The following WDR7 variants were observed in gnomAD, a reference collection of about 807,000 sequenced individuals.
The protein encoded by WDR7 is WD repeat domain 7, also known as WD repeat-containing protein 7.
In WDR7, 46 loss-of-function variants were observed where a neutral mutation model predicts 169.4. The observed-to-expected ratio is 0.27, with a 90% CI of 0.21 to 0.35. WDR7 has a LOEUF of 0.35. Ranked by LOEUF, WDR7 falls within the 10% of genes least tolerant of loss-of-function variation. The pLI is 1.00. For missense variants in WDR7, 1,534 were observed against 1,859.3 expected (o/e 0.83, Z 3.22); for synonymous variants, 612 against 666.8 (o/e 0.92, Z 1.27).
At position 56,935,871 on chromosome 18, in the gene WDR7, G is replaced by A. The variant is rs1167729512; in HGVS notation, c.3797G>A (p.Arg1266Lys). ...RHALSLIATARPPAFITTIAK... is the reference protein window; with the variant it reads ...RHALSLIATAKPPAFITTIAK... ...GCCCTCTCGCTCATTGCCACCGCCAGACCACCCGCCTTCATCACCACCATA... is the reference window on the plus strand; with the variant it reads ...GCCCTCTCGCTCATTGCCACCGCCAAACCACCCGCCTTCATCACCACCATA... Residue 1266 changes from arginine to lysine, a missense_variant, in exon 23 of 28, where the codon AGA becomes AAA. Coordinates refer to ENST00000254442, the MANE Select transcript of WDR7 (RefSeq NM_015285.3). 1.2e-6 allele frequency: 2 copies of A among 1,614,108 alleles called. No individual in the cohort carries two copies.
intron 14 of WDR7, among the ~76,000 whole-genome samples, chr18:56,734,272 T>C (rs936620700): frequency 1.3e-5 from 2 of 152,138 alleles, no homozygotes; most frequent in Admixed American, 6.5e-5. Flanking sequence ...TTTCCTTTAT[T>C]CCCGTTCCTT....
At chr18:57,015,407 A>G (rs953007337) in intron 26 of WDR7, among the ~76,000 whole-genome samples, 5 of 152,190 alleles carry the variant, frequency 3.3e-5, no homozygotes, top group Admixed American at 3.3e-4. Flanking sequence ...ATCTAATAAA[A>G]TTTTCACAAA....
intron 20 of WDR7, among the ~76,000 whole-genome samples, chr18:56,854,169 C>G (rs2045682599): frequency 1.3e-5 from 2 of 152,304 alleles, no homozygotes; most frequent in South Asian, 4.1e-4. Flanking sequence ...TCCGCAGTGG[C>G]CAGCAGCTGG....
At chr18:56,741,984 T>G (rs1050703512) in intron 14 of WDR7, among the ~76,000 whole-genome samples, 8 of 152,188 alleles carry the variant, frequency 5.3e-5, no homozygotes, top group Admixed American at 5.2e-4. Flanking sequence ...CCCTGTGTGT[T>G]ACATATAATA....
chr18:56,653,628 G>A (rs2024703920), intron 1 of WDR7, among the ~76,000 whole-genome samples: 1 of 151,930 alleles, frequency 6.6e-6, no homozygotes, highest in Non-Finnish European at 1.5e-5. Flanking sequence ...TATTGTTCTG[G>A]GTGCCCACAT....
At chr18:56,954,195 A>C (rs1273088250) in intron 25 of WDR7, among the ~76,000 whole-genome samples, 4 of 152,218 alleles carry the variant, frequency 2.6e-5, no homozygotes, top group African/African-American at 9.6e-5. Flanking sequence ...AAAGTGTTTA[A>C]TACTGTTTTT....
intron 25 of WDR7, among the ~76,000 whole-genome samples, chr18:56,958,374 G>T (rs1158107830): frequency 6.6e-6 from 1 of 152,018 alleles, no homozygotes; most frequent in Non-Finnish European, 1.5e-5. Flanking sequence ...ATTATGTTTT[G>T]CCCTATTTCA....
rs757482756 is a variant in WDR7 at position 56,672,530 on chromosome 18, C to A, written c.15C>A (p.Ser5Arg). The change falls in exon 2 of 28, where the codon AGC (serine) becomes AGA (arginine). Residue 5 changes from serine (S) to arginine (R), a missense_variant. Coordinates refer to ENST00000254442, the MANE Select transcript of WDR7 (RefSeq NM_015285.3). ...ACACAAACACAATGGCAGGAAACAG[C>A]CTTGTTCTACCCATTGTTCTTTGGG... MAGNSLVLPIVLWGR... is the reference protein window; with the variant it reads MAGNRLVLPIVLWGR... 3 of 1,588,022 alleles carry A rather than the reference C, an allele frequency of 1.9e-6. No individual in the cohort carries two copies. In the South Asian group the frequency reaches 3.5e-5, roughly 19 times the overall value.
intron 26 of WDR7, among the ~76,000 whole-genome samples, chr18:56,989,621 T>C (rs1284164556): frequency 6.6e-6 from 1 of 152,170 alleles, no homozygotes; most frequent in Non-Finnish European, 1.5e-5. Context: ...GTGAAAGACT[T>C]TTTTAGGAAG....
At chr18:56,658,372 G>A (rs543498803) in intron 1 of WDR7, among the ~76,000 whole-genome samples, 5 of 152,242 alleles carry the variant, frequency 3.3e-5, no homozygotes, top group African/African-American at 1.2e-4. Context: ...CCAAAGTACT[G>A]GAATTAGTCA....
chr18:57,007,482 A>G (rs921625732), intron 26 of WDR7, among the ~76,000 whole-genome samples: 3 of 152,176 alleles, frequency 2.0e-5, no homozygotes, highest in African/African-American at 7.2e-5. Context: ...GTTAAATTTA[A>G]TTCAAATATA....
At chr18:56,673,290 T>G (rs1336763147) in intron 2 of WDR7, among the ~76,000 whole-genome samples, 3 of 152,160 alleles carry the variant, frequency 2.0e-5, no homozygotes, top group Non-Finnish European at 1.5e-5. Context: ...TTTCCAGGAA[T>G]TTGTTGTCAA....
At chr18:56,706,247 CA>C (rs1380895269) in intron 12 of WDR7, among the ~76,000 whole-genome samples, 2 of 152,128 alleles carry the variant, frequency 1.3e-5, no homozygotes, top group African/African-American at 4.8e-5. Flanking sequence ...GAACAAACAA[CA>C]AAGTTGACTT....
At chr18:56,960,599 G>A (rs2047325167) in intron 25 of WDR7, among the ~76,000 whole-genome samples, 1 of 152,110 alleles carries the variant, frequency 6.6e-6, no homozygotes, top group Non-Finnish European at 1.5e-5. Context: ...TATGTGTATA[G>A]ATATAGATGT....
chr18:56,933,218 C>T (rs900747589), intron 22 of WDR7, among the ~76,000 whole-genome samples: 1 of 152,104 alleles, frequency 6.6e-6, no homozygotes, highest in African/African-American at 2.4e-5. Context: ...TAACACCTTC[C>T]CTATTATTGT....
At chr18:56,882,991 G>A (rs547398619) in intron 21 of WDR7, among the ~76,000 whole-genome samples, 1 of 152,282 alleles carries the variant, frequency 6.6e-6, no homozygotes, top group African/African-American at 2.4e-5. Flanking sequence ...GGGAGGCCGA[G>A]GTGGGTGGAT....
chr18:56,725,940 G>T (rs1039175462), intron 13 of WDR7, among the ~76,000 whole-genome samples: 4 of 152,142 alleles, frequency 2.6e-5, no homozygotes, highest in East Asian at 3.9e-4. Flanking sequence ...GTTTTTGTGA[G>T]GTTTGTCAAA....
intron 25 of WDR7, among the ~76,000 whole-genome samples, chr18:56,952,882 TC>T (rs752834904): frequency 3.3e-5 from 5 of 152,274 alleles, no homozygotes; most frequent in Admixed American, 6.5e-5. Context: ...CTATATGACA[TC>T]CTGGAAATGG....
intron 26 of WDR7, among the ~76,000 whole-genome samples, chr18:56,982,890 A>G (rs1406582056): frequency 6.6e-6 from 1 of 152,210 alleles, no homozygotes; most frequent in Non-Finnish European, 1.5e-5. Flanking sequence ...ATGAGGAAGC[A>G]TCTAAAATCT....
Sources: allele counts gnomAD v4.1 joint callset (sites outside exome capture counted in the v4.1 genomes callset), GRCh38; gene constraint gnomAD v4.1.1; transcripts MANE v1.5; gene names NCBI Gene and HGNC (gene_info 2026-07-23, HGNC 2026-07-21).